The following PTPRO variants were observed in gnomAD, a reference collection of about 807,000 sequenced individuals.
The protein encoded by PTPRO is receptor-type tyrosine-protein phosphatase O.
PTPRO carries 62 observed loss-of-function variants against 145.2 expected under a neutral mutation model. The observed-to-expected ratio is 0.43, with a 90% CI of 0.35 to 0.53. The LOEUF (loss-of-function observed/expected upper bound fraction) is 0.53. Ranked by LOEUF, PTPRO falls within the 20% of genes least tolerant of loss-of-function variation. PTPRO has a pLI of 0.01. For missense variants in PTPRO, 1,345 were observed against 1,482.7 expected, an observed-to-expected ratio of 0.91 and a Z score of 1.53; for synonymous variants, 565 against 514.7, an observed-to-expected ratio of 1.10 and a Z score of -1.32.
chr12:15,323,046 GCT>G (rs1413353044), intron 1 of PTPRO, among the ~76,000 whole-genome samples: 2 of 152,366 alleles, frequency 1.3e-5, no homozygotes, highest in East Asian at 3.9e-4. Context: ...CGCCCTTTGT[GCT>G]CTTTTATCGC....
intron 1 of PTPRO, among the ~76,000 whole-genome samples, chr12:15,327,960 A>G (rs903224758): frequency 1.3e-5 from 2 of 152,078 alleles, no homozygotes; most frequent in African/African-American, 4.8e-5. Flanking sequence ...CTAAAAATAC[A>G]AAAAACAGCC....
intron 1 of PTPRO, among the ~76,000 whole-genome samples, chr12:15,415,332 T>C (rs2136318442): frequency 6.6e-6 from 1 of 152,262 alleles, no homozygotes; most frequent in African/African-American, 2.4e-5. Context: ...TATTTCAAAT[T>C]GTTCCTCTCT....
intron 12 of PTPRO, 47 bp downstream of exon 12, chr12:15,526,309 G>T (rs745868108): frequency 2.5e-6 from 4 of 1,608,336 alleles, no homozygotes; most frequent in Non-Finnish European, 3.4e-6. Flanking sequence ...ACTAATGTTT[G>T]CATCATTCGA....
At chr12:15,579,189 T>C (rs1944254238) in intron 20 of PTPRO, among the ~76,000 whole-genome samples, 1 of 152,190 alleles carries the variant, frequency 6.6e-6, no homozygotes, top group Non-Finnish European at 1.5e-5. Flanking sequence ...TTTGGCCCTT[T>C]AGAGATTAAA....
chr12:15,567,035 G>A (rs572547675), intron 18 of PTPRO, among the ~76,000 whole-genome samples: 6 of 152,246 alleles, frequency 3.9e-5, no homozygotes, highest in Middle Eastern at 3.4e-3. Flanking sequence ...GTCCTTGGAC[G>A]AAAAGGAGAG....
chr12:15,467,032 G>A (rs1591837209), intron 1 of PTPRO, among the ~76,000 whole-genome samples: 1 of 152,138 alleles, frequency 6.6e-6, no homozygotes, highest in Non-Finnish European at 1.5e-5. Flanking sequence ...TCAGAGGCTC[G>A]ACTGCTAATC....
intron 1 of PTPRO, chr12:15,439,737 A>G: frequency 5.5e-6 from 3 of 549,318 alleles, no homozygotes; most frequent in South Asian, 1.5e-5. Context: ...CTAGTCAAGG[A>G]CATGAAGATC....
chr12:15,340,234 T>C (rs1866927891), intron 1 of PTPRO, among the ~76,000 whole-genome samples: 2 of 151,728 alleles, frequency 1.3e-5, no homozygotes, highest in African/African-American at 4.8e-5. Context: ...CTTGGTCCAT[T>C]TGACCACAGA....
intron 23 of PTPRO, among the ~76,000 whole-genome samples, chr12:15,584,105 A>T (rs956846183): frequency 3.3e-5 from 5 of 152,142 alleles, no homozygotes; most frequent in African/African-American, 1.2e-4. Context: ...CTGCTTTATC[A>T]CAGCACACCA....
At chr12:15,336,689 T>C (rs1457074659) in intron 1 of PTPRO, among the ~76,000 whole-genome samples, 1 of 152,226 alleles carries the variant, frequency 6.6e-6, no homozygotes, top group African/African-American at 2.4e-5. Context: ...GGCAGTGTAC[T>C]GATCTCTTCA....
intron 6 of PTPRO, among the ~76,000 whole-genome samples, chr12:15,507,454 G>GATAAAT (rs1482775854): frequency 0.012 from 1,159 of 96,726 alleles, 16 homozygotes; most frequent in Non-Finnish European, 0.013. Flanking sequence ...AATAAATAAG[G>GATAAAT]AATGAAATAC....
intron 12 of PTPRO, among the ~76,000 whole-genome samples, chr12:15,541,600 C>G (rs1031396465): frequency 6.6e-6 from 1 of 152,206 alleles, no homozygotes; most frequent in East Asian, 1.9e-4. Context: ...CTCACACGGT[C>G]TTTTCTTTGT....
At chr12:15,438,270 C>A (rs1170637959) in intron 1 of PTPRO, among the ~76,000 whole-genome samples, 2 of 152,030 alleles carry the variant, frequency 1.3e-5, no homozygotes, top group Non-Finnish European at 2.9e-5. Context: ...AGGTGAGAAG[C>A]AACCAGCACA....
At chr12:15,339,957 A>G (rs942568546) in intron 1 of PTPRO, among the ~76,000 whole-genome samples, 1 of 152,192 alleles carries the variant, frequency 6.6e-6, no homozygotes, top group African/African-American at 2.4e-5. Flanking sequence ...TATATAAGAT[A>G]TGTCCCAAAG....
intron 10 of PTPRO, among the ~76,000 whole-genome samples, chr12:15,523,072 G>C (rs961188211): frequency 6.6e-6 from 1 of 152,150 alleles, no homozygotes; most frequent in Non-Finnish European, 1.5e-5. Flanking sequence ...ATGCATTGAT[G>C]ATCTTTCAAG....
At chr12:15,504,101 T>G (rs370441969) in intron 6 of PTPRO, 32 bp downstream of exon 6, 249 of 1,580,914 alleles carry the variant, frequency 1.6e-4, no homozygotes, top group Non-Finnish European at 2.1e-4. Flanking sequence ...TTACACTTAC[T>G]GGGGAGCTAG....
rs535831517 is a variant in PTPRO at position 15,481,352 on chromosome 12, G to A, written c.76-2622G>A. Reference sequence around the variant, plus strand: ...TAGGAGGCCACAGCCTCACTCCCTCGTATTTTTTCAAAACATGTAATTTCA... The same window carrying A: ...TAGGAGGCCACAGCCTCACTCCCTCATATTTTTTCAAAACATGTAATTTCA... On this transcript the variant is annotated intron_variant, in intron 1 of 26. Coordinates refer to ENST00000281171, the MANE Select transcript of PTPRO (RefSeq NM_030667.3). 7.2e-5 allele frequency among the ~76,000 whole-genome samples: 11 copies of A among 152,204 alleles called. 1 individual carries two copies. In the South Asian group the frequency reaches 8.3e-4, roughly 11 times the overall value.
intron 12 of PTPRO, among the ~76,000 whole-genome samples, chr12:15,544,942 T>C (rs1943252176): frequency 2.0e-5 from 3 of 152,190 alleles, no homozygotes. Context: ...CTCATCTCTT[T>C]CCTCCTTCAA....
At chr12:15,484,357 AT>A in intron 2 of PTPRO, 110 bp downstream of exon 2, 2 of 1,198,604 alleles carry the variant, frequency 1.7e-6, no homozygotes, top group Non-Finnish European at 2.4e-6. Context: ...ACTTGCCTTA[AT>A]GCCAAGTGAC....
Sources: allele counts gnomAD v4.1 joint callset (sites outside exome capture counted in the v4.1 genomes callset), GRCh38; gene constraint gnomAD v4.1.1; transcripts MANE v1.5; gene names NCBI Gene and HGNC (gene_info 2026-07-23, HGNC 2026-07-21).